RERE: variants seen among roughly 807,000 people sequenced by gnomAD.
RERE encodes the protein arginine-glutamic acid dipeptide repeats protein.
In RERE, 40 loss-of-function variants were observed where a neutral mutation model predicts 146.1. The ratio of observed to expected loss-of-function variants is 0.27; its 90% CI spans 0.21 to 0.36. RERE has a LOEUF of 0.36. RERE is among the 10% of genes least tolerant of loss of function. The probability of loss-of-function intolerance (pLI) is 1.00; values close to 1 mark genes in which losing one functional copy is unlikely to be tolerated. For missense variants in RERE, 1,933 were observed against 2,138.7 expected, an observed-to-expected ratio of 0.90 and a Z score of 1.90; for synonymous variants, 1,003 against 866.0, an observed-to-expected ratio of 1.16 and a Z score of -2.78.
Position 8,423,460 on chromosome 1 carries a change from A to ACTCGTC in RERE, c.1204-659_1204-654dup, listed in dbSNP as rs1237929185. 2.4e-6 allele frequency: 2 copies of ACTCGTC among 837,922 alleles called. No individual in the cohort carries two copies. The highest frequency in any genetic ancestry group is 3.7e-5 in the African/African-American group (2 of 54,050). 51.9% of individuals were successfully genotyped at this position (837,922 alleles called of 1,614,324 possible). On this transcript the variant is annotated intron_variant, in intron 11 of 22. Coordinates refer to ENST00000400908, the MANE Select transcript of RERE (RefSeq NM_001042681.2). The surrounding 1 kb of genome is among the most constrained non-coding windows in gnomAD (Gnocchi z 5.4). The stretch of plus-strand genomic sequence containing the variant: ...CCGCCCCCATCCATTTTCGCAGCAG[A>ACTCGTC]CTCGTCCCTAACCCCAGCCCGGAGA...
chr1:8,359,331 C>G (rs1027672680), intron 19 of RERE, among the ~76,000 whole-genome samples: 1 of 152,218 alleles, frequency 6.6e-6, no homozygotes, highest in African/African-American at 2.4e-5. Flanking sequence ...ACCACCACAG[C>G]ACCCAGCCCA....
chr1:8,624,246 A>G, intron 3 of RERE, 64 bp downstream of exon 3: 1 of 1,250,792 alleles, frequency 8.0e-7, no homozygotes, highest in Non-Finnish European at 1.2e-6. Flanking sequence ...AATAAGAGAT[A>G]GCCAATGGAA....
chr1:8,649,638 G>A (rs568022318), intron 2 of RERE, among the ~76,000 whole-genome samples: 3 of 151,352 alleles, frequency 2.0e-5, no homozygotes, highest in Non-Finnish European at 2.9e-5. Context: ...GATGAGGCAG[G>A]AGAATCACTT....
chr1:8,435,883 G>A (rs1644163174), intron 11 of RERE, among the ~76,000 whole-genome samples: 1 of 152,170 alleles, frequency 6.6e-6, no homozygotes, highest in African/African-American at 2.4e-5. Context: ...ACTGCCACTG[G>A]GTGAATATCA....
intron 12 of RERE, among the ~76,000 whole-genome samples, chr1:8,415,981 C>T (rs1235910891): frequency 2.0e-5 from 3 of 152,222 alleles, no homozygotes. Context: ...TCCTCTTACC[C>T]ATCTTGCCAG....
At chr1:8,533,165 A>G (rs897645931) in intron 7 of RERE, among the ~76,000 whole-genome samples, 35 of 150,344 alleles carry the variant, frequency 2.3e-4, no homozygotes, top group Admixed American at 2.3e-3. Context: ...TCTGGATGTA[A>G]TGGCCATCAC....
chr1:8,735,525 C>T (rs774821566), intron 1 of RERE, among the ~76,000 whole-genome samples: 51 of 152,170 alleles, frequency 3.4e-4, no homozygotes, highest in Non-Finnish European at 5.9e-4. Flanking sequence ...TCAGTCCATA[C>T]AAAGTGCCTC....
At chr1:8,540,015 C>T (rs1185709282) in intron 7 of RERE, among the ~76,000 whole-genome samples, 1 of 152,104 alleles carries the variant, frequency 6.6e-6, no homozygotes, top group African/African-American at 2.4e-5. Context: ...AAAATGATAC[C>T]CATTTTGCCT....
At chr1:8,723,340 A>T (rs921238574) in intron 1 of RERE, among the ~76,000 whole-genome samples, 2 of 152,260 alleles carry the variant, frequency 1.3e-5, no homozygotes, top group African/African-American at 4.8e-5. Context: ...AATATAAAGT[A>T]TAGAAATGCA....
chr1:8,566,671 C>G (rs1254079820), intron 4 of RERE, among the ~76,000 whole-genome samples: 1 of 152,024 alleles, frequency 6.6e-6, no homozygotes, highest in Non-Finnish European at 1.5e-5. Flanking sequence ...AAATGGGACA[C>G]AGAATCCTGT....
chr1:8,574,968 T>C (rs1168591066), intron 4 of RERE, among the ~76,000 whole-genome samples: 1 of 152,218 alleles, frequency 6.6e-6, no homozygotes, highest in Non-Finnish European at 1.5e-5. Flanking sequence ...TTTCTAAAAT[T>C]AAAAGTCTAA....
In RERE at chr1:8,545,753, G is replaced by A. The variant is rs987969012; in HGVS notation, c.726-4435C>T. Among the ~76,000 whole-genome samples the A allele has an allele frequency of 8.9e-5, 13 of 145,864 alleles. 1 individual carries two copies. Among genetic ancestry groups the A allele is most frequent in the African/African-American group, 1.3e-4 (5 of 39,486 alleles). On this transcript the variant is annotated intron_variant, in intron 6 of 22. Transcript: ENST00000400908. ...GACTGGAGTGCAATGGCGTGATCTC[G>A]ACTCACTGCAACCTCCGCCTCCCGG...
intron 1 of RERE, among the ~76,000 whole-genome samples, chr1:8,810,813 A>G (rs1364854165): frequency 6.6e-6 from 1 of 152,304 alleles, no homozygotes; most frequent in East Asian, 1.9e-4. Context: ...TGTGCATTAT[A>G]AACGTATTTC....
At chr1:8,438,721 C>A (rs1157775329) in intron 11 of RERE, among the ~76,000 whole-genome samples, 1 of 151,924 alleles carries the variant, frequency 6.6e-6, no homozygotes, top group African/African-American at 2.4e-5. Context: ...ATCACAAGTA[C>A]TCAAATGTAG....
chr1:8,567,036 GAC>G (rs1646161496), intron 4 of RERE, among the ~76,000 whole-genome samples: 1 of 152,144 alleles, frequency 6.6e-6, no homozygotes, highest in African/African-American at 2.4e-5. Context: ...TGATCCGCCT[GAC>G]TCGGCCTCCC....
At chr1:8,618,916 C>T (rs1392705525) in intron 3 of RERE, among the ~76,000 whole-genome samples, 7 of 152,134 alleles carry the variant, frequency 4.6e-5, no homozygotes, top group African/African-American at 1.7e-4. Flanking sequence ...TTCTCTGCAG[C>T]CCTTCTGCTG....
intron 1 of RERE, among the ~76,000 whole-genome samples, chr1:8,767,509 G>A (rs1423574439): frequency 1.3e-5 from 2 of 151,888 alleles, no homozygotes; most frequent in Admixed American, 6.6e-5. Context: ...GGGAGGCCAA[G>A]GCAGGAGGAT....
At chr1:8,653,478 C>T (rs1265371050) in intron 2 of RERE, among the ~76,000 whole-genome samples, 13 of 152,092 alleles carry the variant, frequency 8.5e-5, no homozygotes, top group African/African-American at 3.1e-4. Flanking sequence ...GAGGCCGAGG[C>T]GGGTAGATCA....
chr1:8,791,597 T>C (rs115282301), intron 1 of RERE, among the ~76,000 whole-genome samples: 84 of 152,326 alleles, frequency 5.5e-4, no homozygotes, highest in African/African-American at 2.0e-3. Flanking sequence ...GGCCTGAAAT[T>C]ACAGATCATT....
Sources: allele counts gnomAD v4.1 joint callset (sites outside exome capture counted in the v4.1 genomes callset), GRCh38; gene constraint gnomAD v4.1.1; non-coding constraint Gnocchi (gnomAD v3.1); transcripts MANE v1.5; gene names NCBI Gene and HGNC (gene_info 2026-07-23, HGNC 2026-07-21).